Variants in TJP3 observed in about 807,000 individuals in gnomAD.
TJP3 encodes the protein tight junction protein 3.
A neutral mutation model predicts 104.2 loss-of-function variants in TJP3; 85 were observed. That is an observed-to-expected ratio of 0.82 (90% CI 0.68 to 0.98). The LOEUF (loss-of-function observed/expected upper bound fraction) is 0.98, where lower values mean the gene tolerates loss of function less well. TJP3 is among the 50% of genes least tolerant of loss of function. The probability of loss-of-function intolerance (pLI) is 0.00; values close to 1 mark genes in which losing one functional copy is unlikely to be tolerated. For missense variants in TJP3, 1,367 were observed against 1,322.8 expected, an observed-to-expected ratio of 1.03 and a Z score of -0.52; for synonymous variants, 550 against 550.6, an observed-to-expected ratio of 1.00 and a Z score of 0.02.
rs1472822244 is a variant in TJP3 at position 3,735,906 on chromosome 19, G to A, written c.1098G>A (p.Val366=). 3.1e-6 allele frequency: 5 copies of A among 1,614,022 alleles called. No homozygotes were observed. The highest frequency in any genetic ancestry group is 4.2e-6 in the Non-Finnish European group (5 of 1,180,042). ...AAAGCAGCTATGACATCTACAGAGT[G>A]CCCAGCAGTCAGAGCATGGAGGATC... is the stretch of plus-strand genomic sequence containing the variant. ...PRESSYDIYR[V]PSSQSMEDRG... is the part of the protein sequence containing the mutation. The change falls in exon 10 of 21, where the codon GTG becomes GTA. Residue 366 remains valine, a synonymous_variant. Coordinates refer to ENST00000541714, the MANE Select transcript of TJP3 (RefSeq NM_001267560.2).
chr19:3,719,732 CAAAAAAAAAAAAA>C (rs34047272), intron 1 of TJP3, among the ~76,000 whole-genome samples: 1 of 81,738 alleles, frequency 1.2e-5, no homozygotes, highest in African/African-American at 4.4e-5. Context: ...GACTCCGTCT[CAAAAAAAAAAAAA>C]AAAAAAAAAG....
intron 1 of TJP3, among the ~76,000 whole-genome samples, chr19:3,724,369 G>C (rs1449771000): frequency 6.6e-6 from 1 of 152,008 alleles, no homozygotes. Context: ...CTAATTTTTT[G>C]TATTTTTAGT....
rs1381511178 is a variant in TJP3 at position 3,739,093 on chromosome 19, C to T, written c.1590C>T (p.Asp530=). The change falls in exon 13 of 21, where the codon GAC becomes GAT. Residue 530 remains aspartate (D), a synonymous_variant. Coordinates refer to ENST00000541714, the MANE Select transcript of TJP3 (RefSeq NM_001267560.2). ...GHWLAVRMGR[D]LREQERGIIP... ...GGCTGGCGGTGCGCATGGGTCGTGACCTGCGGGAGCAAGAGCGGGGCATCA... is the reference window on the plus strand; with the variant it reads ...GGCTGGCGGTGCGCATGGGTCGTGATCTGCGGGAGCAAGAGCGGGGCATCA... 1.1e-5 allele frequency: 17 copies of T among 1,588,744 alleles called. No individual in the cohort carries two copies. The highest frequency in any genetic ancestry group is 2.7e-5 in the African/African-American group (2 of 74,478).
At chr19:3,734,711 T>C (rs906080792) in intron 8 of TJP3, among the ~76,000 whole-genome samples, 1 of 152,112 alleles carries the variant, frequency 6.6e-6, no homozygotes, top group African/African-American at 2.4e-5. Flanking sequence ...TCTCAGCACT[T>C]TGGGAGGCCG....
chr19:3,714,644 A>G lies in TJP3; in HGVS notation c.-10+6083A>G, dbSNP rs150805465. ...ACAATTAGGCCAGGCGCAGTGGCAC[A>G]CACCTGTAATCCCAGCACTTTGGGA... On this transcript the variant is annotated intron_variant, in intron 1 of 20. Coordinates refer to ENST00000541714, the MANE Select transcript of TJP3 (RefSeq NM_001267560.2). 1.4e-3 allele frequency among the ~76,000 whole-genome samples: 207 copies of G among 151,952 alleles called. 2 individuals are homozygous for G. In the East Asian group the frequency reaches 0.031, roughly 23 times the overall value.
intron 15 of TJP3, among the ~76,000 whole-genome samples, chr19:3,745,129 A>C (rs1457945440): frequency 3.3e-5 from 3 of 92,054 alleles, no homozygotes; most frequent in Middle Eastern, 6.2e-3. Context: ...TGCAAATTTT[A>C]TGTCTTTTTT....
intron 19 of TJP3, 101 bp from the exon 20 acceptor site, chr19:3,750,037 T>C: frequency 6.7e-7 from 1 of 1,490,404 alleles, no homozygotes; most frequent in South Asian, 1.1e-5. Flanking sequence ...GTGGGCAGCA[T>C]GGCCCGGGCC....
Position 3,746,444 on chromosome 19 carries a change from C to G in TJP3, c.2011-41C>G. On this transcript the variant is annotated intron_variant, in intron 16 of 20. Coordinates refer to ENST00000541714, the MANE Select transcript of TJP3 (RefSeq NM_001267560.2). The surrounding 1 kb of genome is among the most constrained non-coding windows in gnomAD (Gnocchi z 4.1). Reference sequence around the variant, plus strand: ...TATCTTTCTCTCTCTGTTTACCCTGCTGCAATCCCCCTCACCCCAACGTCC... The same window carrying G: ...TATCTTTCTCTCTCTGTTTACCCTGGTGCAATCCCCCTCACCCCAACGTCC... The G allele has an allele frequency of 6.2e-7, 1 of 1,600,600 alleles. No homozygotes were observed. Among genetic ancestry groups the G allele is most frequent in the Non-Finnish European group, 8.6e-7 (1 of 1,169,212 alleles).
intron 1 of TJP3, among the ~76,000 whole-genome samples, chr19:3,709,417 C>A (rs2036413400): frequency 1.3e-5 from 2 of 152,146 alleles, no homozygotes; most frequent in Admixed American, 1.3e-4. Context: ...ATCTTTACTC[C>A]TCCGAGCAAA....
chr19:3,728,334 G>T, intron 1 of TJP3, 90 bp from the exon 2 acceptor site: 1 of 1,605,070 alleles, frequency 6.2e-7, no homozygotes, highest in Non-Finnish European at 8.5e-7. Context: ...GCCTGTCAGA[G>T]CTGGACTCCC....
At position 3,732,021 on chromosome 19, in the gene TJP3, G is replaced by A. The variant is rs1236623504; in HGVS notation, c.700G>A (p.Gly234Arg). 1.2e-6 allele frequency: 2 copies of A among 1,612,892 alleles called. No homozygotes were observed. The highest frequency in any genetic ancestry group is 1.7e-5 in the Admixed American group (1 of 59,964). Residue 234 changes from glycine to arginine, a missense_variant, in exon 6 of 21, where the codon GGA (glycine) becomes AGA (arginine). Transcript: ENST00000541714. ...LAARHRGLQE[G>R]DLILQINGVS... ...TGCCCGGCACCGTGGGCTGCAGGAA[G>A]GAGATCTCATTCTACAGGTGAGGCC...
chr19:3,743,255 C>A (rs938307966), intron 14 of TJP3, among the ~76,000 whole-genome samples: 1 of 151,606 alleles, frequency 6.6e-6, no homozygotes. Flanking sequence ...CAGAGCTAGA[C>A]TCCATCTCAA....
rs371566451 is a variant in TJP3 at position 3,716,532 on chromosome 19, G to A, written c.-10+7971G>A. ...CAGTTTTCTCAGCTGCAAAGTGGGC[G>A]CACGAGTGTTGTGTGTAACTGGGGC... On this transcript the variant is annotated intron_variant, in intron 1 of 20. Coordinates refer to ENST00000541714, the MANE Select transcript of TJP3 (RefSeq NM_001267560.2). 2.2e-4 allele frequency among the ~76,000 whole-genome samples: 32 copies of A among 148,004 alleles called. 6 individuals carry two copies. The highest frequency in any genetic ancestry group is 9.1e-4 in the South Asian group (4 of 4,396).
rs201797549 is a variant in TJP3 at position 3,730,012 on chromosome 19, C to G, written c.159-16C>G. 1 of 1,611,110 alleles carries G rather than the reference C, an allele frequency of 6.2e-7. No homozygotes were observed. Among genetic ancestry groups the G allele is most frequent in the Non-Finnish European group, 8.5e-7 (1 of 1,177,444 alleles). ...CCTGCAAAGCCTCCTCCGTAAGACCCGCCCTCCTCTCTCAGGACAGGCGAC... is the reference window on the plus strand; with the variant it reads ...CCTGCAAAGCCTCCTCCGTAAGACCGGCCCTCCTCTCTCAGGACAGGCGAC... On this transcript the variant is annotated splice_polypyrimidine_tract_variant and intron_variant, in intron 3 of 20. Transcript: ENST00000541714. The surrounding 1 kb of genome is among the most constrained non-coding windows in gnomAD (Gnocchi z 7.3).
At chr19:3,711,664 G>T (rs1362567859) in intron 1 of TJP3, among the ~76,000 whole-genome samples, 5 of 137,618 alleles carry the variant, frequency 3.6e-5, no homozygotes, top group Non-Finnish European at 4.7e-5. Flanking sequence ...AGGCCGAGAC[G>T]GGTGGATCAC....
intron 5 of TJP3, among the ~76,000 whole-genome samples, chr19:3,731,540 C>T (rs548179243): frequency 9.9e-5 from 15 of 151,980 alleles, no homozygotes; most frequent in Non-Finnish European, 1.8e-4. Flanking sequence ...GGCTGAGGCA[C>T]GAGAATTGCT....
chr19:3,731,890 C>A lies in TJP3; in HGVS notation c.614-45C>A, dbSNP rs374097468. 2.6e-6 allele frequency: 4 copies of A among 1,553,392 alleles called. No individual in the cohort carries two copies. In the South Asian group the frequency reaches 4.6e-5, roughly 18 times the overall value. On this transcript the variant is annotated intron_variant, in intron 5 of 20. Transcript: ENST00000541714. ...ACAGCAGGAGAATGCTCCCAGGCACCCGTCTCCAGAGTCCTGCCTCAGTTT... is the reference window on the plus strand; with the variant it reads ...ACAGCAGGAGAATGCTCCCAGGCACACGTCTCCAGAGTCCTGCCTCAGTTT...
Position 3,736,087 on chromosome 19 carries a change from G to T in TJP3, c.1128-78G>T, listed in dbSNP as rs1014789466. 51 of 1,570,510 alleles carry T rather than the reference G, an allele frequency of 3.2e-5. 1 individual carries two copies. The highest frequency in any genetic ancestry group is 1.7e-4 in the Middle Eastern group (1 of 5,868). On this transcript the variant is annotated intron_variant, in intron 10 of 20. Coordinates refer to ENST00000541714, the MANE Select transcript of TJP3 (RefSeq NM_001267560.2). ...GAAACTGAGGCCTGGAGGGGGTGGG[G>T]GCTTTCCCAAGGACAATGCTGAGCC...
At chr19:3,740,509 G>A (rs1034920373) in intron 13 of TJP3, 43 bp from the exon 14 acceptor site, 1 of 1,255,352 alleles carries the variant, frequency 8.0e-7, no homozygotes, top group Non-Finnish European at 1.0e-6. Context: ...GGGCCACCAT[G>A]CTGCTGACCC....
Sources: allele counts gnomAD v4.1 joint callset (sites outside exome capture counted in the v4.1 genomes callset), GRCh38; gene constraint gnomAD v4.1.1; non-coding constraint Gnocchi (gnomAD v3.1); transcripts MANE v1.5; gene names NCBI Gene and HGNC (gene_info 2026-07-23, HGNC 2026-07-21).